WDSUB1: variants seen among roughly 807,000 people sequenced by gnomAD.
WDSUB1 encodes WD repeat, sterile alpha motif and U-box domain containing 1.
A neutral mutation model predicts 53.9 loss-of-function variants in WDSUB1; 49 were observed. The ratio of observed to expected loss-of-function variants is 0.91; its 90% CI spans 0.72 to 1.15. WDSUB1 has a LOEUF of 1.15. WDSUB1 is among the 50% of genes most tolerant of loss of function. WDSUB1 has a pLI of 0.00. For missense variants in WDSUB1, 514 were observed against 562.0 expected (o/e 0.91, Z 0.86); for synonymous variants, 194 against 200.6 (o/e 0.97, Z 0.28).
chr2:159,245,535 A>G lies in WDSUB1; in HGVS notation c.1273+2837T>C, dbSNP rs1044379699. On this transcript the variant is annotated intron_variant, in intron 10 of 10. Coordinates refer to ENST00000359774, the MANE Select transcript of WDSUB1 (RefSeq NM_001128212.3). ...GCAACAGAGCAAGACTCTGTCTCAA[A>G]AAAAAAAAAAAGACTATAAAGCTAC... Among the ~76,000 whole-genome samples, 4 of 150,076 alleles carry G rather than the reference A, an allele frequency of 2.7e-5. No individual in the cohort carries two copies. The East Asian group carries it at 7.7e-4, about 29-fold the overall frequency.
At chr2:159,260,015 T>G (rs2061154502) in intron 5 of WDSUB1, among the ~76,000 whole-genome samples, 172 bp from the exon 6 acceptor site, 1 of 152,132 alleles carries the variant, frequency 6.6e-6, no homozygotes, top group African/African-American at 2.4e-5. Context: ...TTCAAAAAAC[T>G]ACACGTGGCC....
At chr2:159,253,882 A>T (rs757834128) in intron 9 of WDSUB1, among the ~76,000 whole-genome samples, 43 of 152,226 alleles carry the variant, frequency 2.8e-4, no homozygotes, top group Admixed American at 8.5e-4. Flanking sequence ...AAAGTTAGCC[A>T]CTTGATCCTT....
intron 5 of WDSUB1, among the ~76,000 whole-genome samples, chr2:159,263,557 T>C (rs1036654561): frequency 6.6e-6 from 1 of 152,164 alleles, no homozygotes; most frequent in Non-Finnish European, 1.5e-5. Flanking sequence ...ATATGACCAG[T>C]TATGCAATGT....
At chr2:159,245,431 G>A (rs2060771745) in intron 10 of WDSUB1, among the ~76,000 whole-genome samples, 1 of 151,916 alleles carries the variant, frequency 6.6e-6, no homozygotes, top group Admixed American at 6.6e-5. Context: ...TACTTGGGAG[G>A]CTGAGGCATG....
At chr2:159,241,364 C>T (rs1575424768) in intron 10 of WDSUB1, among the ~76,000 whole-genome samples, 1 of 152,178 alleles carries the variant, frequency 6.6e-6, no homozygotes, top group South Asian at 2.1e-4. Context: ...GAGTTCAAGA[C>T]CAGCCTGGCC....
At chr2:159,267,349 G>A (rs1170062408) in intron 5 of WDSUB1, among the ~76,000 whole-genome samples, 1 of 150,500 alleles carries the variant, frequency 6.6e-6, no homozygotes, top group Non-Finnish European at 1.5e-5. Context: ...TGCCCAGGCT[G>A]GAGTGCAGTG....
chr2:159,265,096 AAAAT>A (rs1362755107), intron 5 of WDSUB1, among the ~76,000 whole-genome samples: 10 of 145,928 alleles, frequency 6.9e-5, no homozygotes, highest in African/African-American at 2.5e-4. Context: ...AAAAAAAAAA[AAAAT>A]AAAACAACAA....
chr2:159,256,029 C>G (rs1377388172), intron 9 of WDSUB1, among the ~76,000 whole-genome samples, 167 bp downstream of exon 9: 1 of 152,044 alleles, frequency 6.6e-6, no homozygotes, highest in African/African-American at 2.4e-5. Flanking sequence ...AAATCAAAAC[C>G]ATAATGAAAT....
intron 3 of WDSUB1, among the ~76,000 whole-genome samples, chr2:159,277,460 G>A (rs1453061436): frequency 1.3e-5 from 2 of 152,118 alleles, no homozygotes; most frequent in Non-Finnish European, 2.9e-5. Context: ...ATTCAGCTAA[G>A]ACAATGGAAA....
At chr2:159,279,626 C>A in intron 3 of WDSUB1, 135 bp downstream of exon 3, 2 of 641,358 alleles carry the variant, frequency 3.1e-6, no homozygotes, top group African/African-American at 1.9e-5. Context: ...AAGGATAATC[C>A]CTTTACAGGA....
chr2:159,250,052 G>A (rs909729013), intron 9 of WDSUB1, among the ~76,000 whole-genome samples: 4 of 143,812 alleles, frequency 2.8e-5, no homozygotes, highest in Admixed American at 7.3e-5. Flanking sequence ...TGGCGCCACT[G>A]CATTCCAGCC....
intron 9 of WDSUB1, among the ~76,000 whole-genome samples, chr2:159,248,996 A>G (rs917943018): frequency 6.6e-6 from 1 of 152,194 alleles, no homozygotes; most frequent in African/African-American, 2.4e-5. Flanking sequence ...ATTCCTTAAC[A>G]AATCTCTGTT....
Position 159,261,869 on chromosome 2 carries a change from TATATATATATATATATATATATA to T in WDSUB1, c.771-2049_771-2027del, listed in dbSNP as rs1558855803. ...ACTCATATATATATATATATATATA[TATATATATATATATATATATATA>T]TATATTTTTTTTTTTTTTTTTTTTT... is the stretch of plus-strand genomic sequence containing the variant. On this transcript the variant is annotated intron_variant, in intron 5 of 10. Coordinates refer to ENST00000359774, the MANE Select transcript of WDSUB1 (RefSeq NM_001128212.3). 2.8e-4 allele frequency among the ~76,000 whole-genome samples: 6 copies of T among 21,468 alleles called. 1 individual carries two copies. The highest frequency in any genetic ancestry group is 1.6e-3 in the Admixed American group (3 of 1,838). The allele number at this position is 21,468 out of a possible 152,430, so 14.1% of individuals were successfully genotyped here.
rs1267716845 is a variant in WDSUB1, at chr2:159,259,791, A to C, written c.804+19T>G. 1.4e-5 allele frequency: 21 copies of C among 1,516,468 alleles called. No homozygotes were observed. The South Asian group carries it at 2.5e-4, about 18-fold the overall frequency. The allele number at this position is 1,516,468 out of a possible 1,614,324, so 93.9% of individuals were successfully genotyped here. A position where few individuals can be genotyped will look rare whatever the true frequency, so the allele number is the denominator to read the frequency against. Reference sequence around the variant, plus strand: ...AAACATAACTTTCATAGATCACCACAAGATTTTTAAATACTTACAGTATCA... The same window carrying C: ...AAACATAACTTTCATAGATCACCACCAGATTTTTAAATACTTACAGTATCA... On this transcript the variant is annotated intron_variant, in intron 6 of 10. Coordinates refer to ENST00000359774, the MANE Select transcript of WDSUB1 (RefSeq NM_001128212.3).
chr2:159,261,880 ATATATATATATATATATTTTTTTTTTT>A (rs2061216982), intron 5 of WDSUB1, among the ~76,000 whole-genome samples: 1 of 19,064 alleles, frequency 5.2e-5, no homozygotes, highest in Admixed American at 8.6e-4. Flanking sequence ...ATATATATAT[ATATATATATATATATATTTTTTTTTTT>A]TTTTTTTTTT....
intron 3 of WDSUB1, 145 bp downstream of exon 3, chr2:159,279,613 GAGA>G (rs2061609425): frequency 6.7e-6 from 4 of 599,380 alleles, no homozygotes; most frequent in Admixed American, 4.1e-5. Flanking sequence ...TCAAAAAAGA[GAGA>G]AGGATAATCC....
chr2:159,247,888 T>TAAATAA (rs1553626803), intron 10 of WDSUB1, among the ~76,000 whole-genome samples: 3 of 39,070 alleles, frequency 7.7e-5, no homozygotes, highest in African/African-American at 1.6e-4. Context: ...ATTAAATAAA[T>TAAATAA]ATATATATAT....
intron 10 of WDSUB1, among the ~76,000 whole-genome samples, chr2:159,240,721 C>A (rs748542375): frequency 1.5e-4 from 23 of 152,160 alleles, no homozygotes; most frequent in Non-Finnish European, 3.2e-4. Flanking sequence ...GAATAACTTT[C>A]CAGGGTCACA....
intron 3 of WDSUB1, among the ~76,000 whole-genome samples, chr2:159,276,280 T>C (rs1234470224): frequency 6.6e-6 from 1 of 152,126 alleles, no homozygotes; most frequent in Non-Finnish European, 1.5e-5. Context: ...CAGGCTGGTC[T>C]TGAACTCCTG....
Sources: gnomAD v4.1 joint callset for allele counts (sites outside exome capture counted in the v4.1 genomes callset) on GRCh38, gnomAD v4.1.1 for gene constraint, MANE v1.5 for transcripts, NCBI Gene and HGNC (gene_info 2026-07-23, HGNC 2026-07-21) for gene names.